The following GLIS3 variants were observed in gnomAD, a reference collection of about 807,000 sequenced individuals.
GLIS3 encodes the protein GLIS family zinc finger 3.
In GLIS3, 53 loss-of-function variants were observed where a neutral mutation model predicts 78.6. The ratio of observed to expected loss-of-function variants is 0.67; its 90% CI spans 0.54 to 0.85. GLIS3 has a LOEUF of 0.85. Among genes scored for constraint, GLIS3 ranks in the 40% least tolerant of loss-of-function variants. The pLI is 0.00. For synonymous variants in GLIS3, 684 were observed against 509.9 expected (o/e 1.34, Z -4.60); for missense variants, 1,703 against 1,231.1 (o/e 1.38, Z -5.74).
intron 2 of GLIS3, among the ~76,000 whole-genome samples, chr9:4,173,356 C>G (rs1032990032): frequency 1.3e-5 from 2 of 152,066 alleles, no homozygotes; most frequent in African/African-American, 4.8e-5. Context: ...TTCTTTCACC[C>G]TTATTCTCAT....
intron 2 of GLIS3, among the ~76,000 whole-genome samples, chr9:4,337,306 A>G (rs1318183908): frequency 6.6e-6 from 1 of 152,244 alleles, no homozygotes; most frequent in Non-Finnish European, 1.5e-5. Context: ...GCTGGAAATA[A>G]CATAAATGTC....
intron 2 of GLIS3, among the ~76,000 whole-genome samples, chr9:4,180,607 G>A (rs1817227940): frequency 6.6e-6 from 1 of 152,166 alleles, no homozygotes. Flanking sequence ...ATTTTAATCT[G>A]AGGATTGTGT....
intron 2 of GLIS3, among the ~76,000 whole-genome samples, chr9:4,167,510 T>C (rs560092997): frequency 6.6e-6 from 1 of 152,288 alleles, no homozygotes; most frequent in South Asian, 2.1e-4. Context: ...GAGAGGACAG[T>C]GTCTTACCCA....
Position 3,828,183 on chromosome 9 carries a change from C to A in GLIS3, c.*89G>T. 1 of 1,500,138 alleles carries A rather than the reference C, an allele frequency of 6.7e-7. No homozygotes were observed. Among genetic ancestry groups the A allele is most frequent in the Non-Finnish European group, 9.2e-7 (1 of 1,081,298 alleles). The allele number at this position is 1,500,138 out of a possible 1,614,324, so 92.9% of individuals were successfully genotyped here. A position where few individuals can be genotyped will look rare whatever the true frequency, so the allele number is the denominator to read the frequency against. ...CAGGGCCCGCTGATTGGGCTGACAT[C>A]CTTCCTCAAGCAGTCTGTGAGAGTA... On this transcript the variant is annotated 3_prime_UTR_variant, in exon 11 of 11. Transcript: ENST00000381971.
At chr9:4,101,179 C>T (rs1830344765) in intron 4 of GLIS3, among the ~76,000 whole-genome samples, 1 of 152,140 alleles carries the variant, frequency 6.6e-6, no homozygotes. Flanking sequence ...GTTTCCTCGC[C>T]TTAAAATGGA....
chr9:4,156,719 G>T (rs1157607036), intron 2 of GLIS3, among the ~76,000 whole-genome samples: 1 of 152,056 alleles, frequency 6.6e-6, no homozygotes, highest in African/African-American at 2.4e-5. Context: ...TTATGCTTAA[G>T]CGTCAGTAAG....
chr9:4,148,581 A>G (rs1834410455), intron 2 of GLIS3, among the ~76,000 whole-genome samples: 1 of 151,962 alleles, frequency 6.6e-6, no homozygotes, highest in South Asian at 2.1e-4. Context: ...TGGCAGGCCC[A>G]TGAGGACAGG....
At chr9:4,158,147 G>A (rs1427328485) in intron 2 of GLIS3, among the ~76,000 whole-genome samples, 1 of 152,002 alleles carries the variant, frequency 6.6e-6, no homozygotes, top group Non-Finnish European at 1.5e-5. Context: ...CCAAAACGAT[G>A]CCTCTTTTAA....
chr9:4,488,920 G>A, the GLIS3 span, among the ~76,000 whole-genome samples: 10 of 151,168 alleles, frequency 6.6e-5, no homozygotes, highest in Non-Finnish European at 1.0e-4. Context: ...AGGCTGGAGC[G>A]CAGTGGCTTG....
chr9:4,297,263 G>A (rs898102662), intron 1 of GLIS3, among the ~76,000 whole-genome samples: 5 of 152,324 alleles, frequency 3.3e-5, no homozygotes, highest in Admixed American at 3.3e-4. Context: ...CTTTGCATTT[G>A]TCTTGAGGTC....
At chr9:4,012,857 C>G (rs1822143903) in intron 4 of GLIS3, among the ~76,000 whole-genome samples, 1 of 141,596 alleles carries the variant, frequency 7.1e-6, no homozygotes, top group Non-Finnish European at 1.5e-5. Flanking sequence ...ACTGCAACCT[C>G]AACCTTCTGG....
chr9:4,225,766 C>A (rs973325835), intron 2 of GLIS3, among the ~76,000 whole-genome samples: 1 of 152,170 alleles, frequency 6.6e-6, no homozygotes, highest in Non-Finnish European at 1.5e-5. Flanking sequence ...ACAACTTGAA[C>A]TCTTGAGACC....
the GLIS3 span, among the ~76,000 whole-genome samples, chr9:4,392,487 C>T: frequency 6.6e-6 from 1 of 152,124 alleles, no homozygotes; most frequent in South Asian, 2.1e-4. Context: ...GCCTCCTCTC[C>T]ACCTCGCTGG....
At chr9:3,883,807 A>C (rs529081337) in intron 7 of GLIS3, among the ~76,000 whole-genome samples, 1 of 152,224 alleles carries the variant, frequency 6.6e-6, no homozygotes, top group Non-Finnish European at 1.5e-5. Context: ...AGCACAGCAG[A>C]GGAACATATT....
intron 2 of GLIS3, among the ~76,000 whole-genome samples, chr9:4,222,058 G>C (rs1449122706): frequency 6.6e-6 from 1 of 152,178 alleles, no homozygotes; most frequent in African/African-American, 2.4e-5. Context: ...GACCTCAAGG[G>C]AGCATCCAGA....
chr9:3,832,757 T>C (rs1818122289), intron 9 of GLIS3, among the ~76,000 whole-genome samples: 1 of 152,224 alleles, frequency 6.6e-6, no homozygotes, highest in East Asian at 1.9e-4. Flanking sequence ...TCTATATCTT[T>C]ATGCAAACTC....
intron 9 of GLIS3, among the ~76,000 whole-genome samples, chr9:3,843,342 C>T (rs1349015260): frequency 3.3e-5 from 5 of 152,176 alleles, no homozygotes; most frequent in Non-Finnish European, 7.3e-5. Context: ...TGCTTCATAG[C>T]TGAGTCTCTA....
At chr9:4,396,860 G>A in the GLIS3 span, among the ~76,000 whole-genome samples, 1 of 151,982 alleles carries the variant, frequency 6.6e-6, no homozygotes, top group African/African-American at 2.4e-5. Flanking sequence ...AAGCGAGCCT[G>A]AGTACGTCTG....
At chr9:4,319,595 T>C (rs1179182446) in intron 2 of GLIS3, among the ~76,000 whole-genome samples, 1 of 152,096 alleles carries the variant, frequency 6.6e-6, no homozygotes, top group African/African-American at 2.4e-5. Context: ...AGTGGCATGA[T>C]CATAGCTCAC....
Sources: allele counts gnomAD v4.1 joint callset (sites outside exome capture counted in the v4.1 genomes callset), GRCh38; gene constraint gnomAD v4.1.1; transcripts MANE v1.5; gene names NCBI Gene and HGNC (gene_info 2026-07-23, HGNC 2026-07-21).